IGFL2: variants seen among roughly 807,000 people sequenced by gnomAD.
IGFL2 encodes the protein insulin growth factor-like family member 2.
Under a neutral mutation model 13.9 loss-of-function variants are expected in IGFL2, and 7 were observed. The observed-to-expected ratio is 0.51, with a 90% confidence interval of 0.29 to 0.95. The LOEUF is 0.95. Among genes scored for constraint, IGFL2 ranks in the 40% least tolerant of loss-of-function variants. IGFL2 has a pLI of 0.08. For missense variants in IGFL2, 138 were observed against 147.8 expected (o/e 0.93, Z 0.34); for synonymous variants, 55 against 55.8 (o/e 0.99, Z 0.07).
chr19:46,154,352 A>C (rs1231025698), intron 1 of IGFL2, among the ~76,000 whole-genome samples: 1 of 152,080 alleles, frequency 6.6e-6, no homozygotes, highest in Non-Finnish European at 1.5e-5. Flanking sequence ...CCAGGGTTTG[A>C]GGCTGTCTCT....
the IGFL2 span, among the ~76,000 whole-genome samples, chr19:46,128,785 G>A: frequency 3.3e-5 from 5 of 152,130 alleles, no homozygotes; most frequent in Non-Finnish European, 7.4e-5. Flanking sequence ...TGTTCATCAA[G>A]GATATTGGCC....
chr19:46,185,892 T>C, the IGFL2 span, among the ~76,000 whole-genome samples: 19 of 152,162 alleles, frequency 1.2e-4, no homozygotes, highest in Non-Finnish European at 2.5e-4. Context: ...GGCAGTCCTA[T>C]GAGCCCCGGG....
the IGFL2 span, chr19:46,136,773 G>C: frequency 1.6e-6 from 1 of 636,178 alleles, no homozygotes; most frequent in East Asian, 3.5e-5. Context: ...CTGAAGCTCT[G>C]TCTCTCCAAC....
At chr19:46,196,543 C>A in the IGFL2 span, among the ~76,000 whole-genome samples, 1 of 152,210 alleles carries the variant, frequency 6.6e-6, no homozygotes, top group Non-Finnish European at 1.5e-5. Context: ...CATAGCACAA[C>A]GCTAGTCTCG....
At chr19:46,131,624 T>C in the IGFL2 span, among the ~76,000 whole-genome samples, 1 of 152,158 alleles carries the variant, frequency 6.6e-6, no homozygotes. Context: ...CTGAAGCGAA[T>C]ATGACTGATT....
At chr19:46,124,637 A>G in the IGFL2 span, 2 of 1,609,524 alleles carry the variant, frequency 1.2e-6, no homozygotes, top group Admixed American at 1.7e-5. Context: ...AAGATGCAGC[A>G]TCGTGGCCTC....
intron 1 of IGFL2, among the ~76,000 whole-genome samples, chr19:46,157,423 C>T (rs1973885097): frequency 6.6e-6 from 1 of 152,150 alleles, no homozygotes; most frequent in South Asian, 2.1e-4. Flanking sequence ...AAAATACTTA[C>T]ACATCATGCC....
chr19:46,190,182 T>C, the IGFL2 span: 1 of 152,242 alleles, frequency 6.6e-6, no homozygotes, highest in Non-Finnish European at 1.5e-5. Flanking sequence ...ATTCTGTTGA[T>C]CTGGGCCAGG....
At chr19:46,088,762 T>C in the IGFL2 span, among the ~76,000 whole-genome samples, 1 of 152,196 alleles carries the variant, frequency 6.6e-6, no homozygotes, top group Non-Finnish European at 1.5e-5. Context: ...TATCTAGAGC[T>C]CTTCTGGAGT....
the IGFL2 span, among the ~76,000 whole-genome samples, chr19:46,090,486 C>G: frequency 6.6e-6 from 1 of 152,202 alleles, no homozygotes; most frequent in African/African-American, 2.4e-5. Flanking sequence ...TATTTCCAGT[C>G]TTTGTAAACT....
chr19:46,201,414 A>G, the IGFL2 span, among the ~76,000 whole-genome samples: 3 of 152,188 alleles, frequency 2.0e-5, no homozygotes, highest in African/African-American at 7.2e-5. Context: ...CGAAACAGGC[A>G]CAGTTCTCAT....
At chr19:46,205,603 TGA>T in the IGFL2 span, among the ~76,000 whole-genome samples, 8 of 150,108 alleles carry the variant, frequency 5.3e-5, no homozygotes, top group Non-Finnish European at 4.5e-5. Context: ...ATTCAGGTGC[TGA>T]GAGAGAGAGA....
chr19:46,190,357 A>C, the IGFL2 span: 1 of 152,200 alleles, frequency 6.6e-6, no homozygotes, highest in African/African-American at 2.4e-5. Flanking sequence ...TGTCTCCTCC[A>C]TGTGGTCTCT....
At chr19:46,095,441 G>C in the IGFL2 span, among the ~76,000 whole-genome samples, 1 of 152,020 alleles carries the variant, frequency 6.6e-6, no homozygotes, top group African/African-American at 2.4e-5. Flanking sequence ...TTGTCAGATG[G>C]ATAGATTGCA....
At chr19:46,195,700 C>G in the IGFL2 span, 58 of 152,288 alleles carry the variant, frequency 3.8e-4, no homozygotes, top group African/African-American at 1.3e-3. Flanking sequence ...AGAGCTCACA[C>G]TGTGGGCACC....
At chr19:46,110,150 C>A in the IGFL2 span, among the ~76,000 whole-genome samples, 5 of 152,216 alleles carry the variant, frequency 3.3e-5, no homozygotes, top group African/African-American at 1.2e-4. Context: ...GCAAGAGACA[C>A]ACGTAAACCT....
upstream of IGFL2, among the ~76,000 whole-genome samples, chr19:46,141,646 C>G (rs1436244841): frequency 6.6e-6 from 1 of 152,104 alleles, no homozygotes; most frequent in Non-Finnish European, 1.5e-5. Context: ...CATGACTCAC[C>G]TACCAGCACC....
the IGFL2 span, among the ~76,000 whole-genome samples, chr19:46,178,664 G>A: frequency 7.2e-5 from 11 of 152,238 alleles, no homozygotes; most frequent in African/African-American, 2.2e-4. Context: ...TTATCTGAAC[G>A]CAAGCATTAC....
the IGFL2 span, among the ~76,000 whole-genome samples, chr19:46,174,326 G>A: frequency 2.0e-5 from 3 of 152,212 alleles, no homozygotes; most frequent in African/African-American, 7.2e-5. Context: ...GCCCTTGTAA[G>A]TGCAGGGGAC....
Sources: allele counts gnomAD v4.1 joint callset (sites outside exome capture counted in the v4.1 genomes callset), GRCh38; gene constraint gnomAD v4.1.1; transcripts MANE v1.5; gene names NCBI Gene and HGNC (gene_info 2026-07-23, HGNC 2026-07-21).